ADSS2: variants seen among roughly 807,000 people sequenced by gnomAD.
ADSS2 encodes adenylosuccinate synthetase isozyme 2.
Under a neutral mutation model 60.0 loss-of-function variants are expected in ADSS2, and 30 were observed. That is an observed-to-expected ratio of 0.50 (90% CI 0.37 to 0.68). The LOEUF (loss-of-function observed/expected upper bound fraction) is 0.68, where lower values mean the gene tolerates loss of function less well. Ranked by LOEUF, ADSS2 falls within the 30% of genes least tolerant of loss-of-function variation. The pLI is 0.00. For synonymous variants in ADSS2, 187 were observed against 193.1 expected, an observed-to-expected ratio of 0.97 and a Z score of 0.26; for missense variants, 373 against 554.8, an observed-to-expected ratio of 0.67 and a Z score of 3.29.
At chr1:244,445,915 T>C (rs1417038635) in intron 1 of ADSS2, among the ~76,000 whole-genome samples, 1 of 152,214 alleles carries the variant, frequency 6.6e-6, no homozygotes, top group Non-Finnish European at 1.5e-5. Flanking sequence ...GAGGCATTTT[T>C]CAGGCTAGTT....
intron 7 of ADSS2, among the ~76,000 whole-genome samples, chr1:244,421,783 A>G (rs990087928): frequency 6.6e-6 from 1 of 152,136 alleles, no homozygotes; most frequent in Admixed American, 6.5e-5. Context: ...GTTCAAGACC[A>G]GCCTGGGCAA....
intron 4 of ADSS2, among the ~76,000 whole-genome samples, chr1:244,427,156 AG>A (rs1363769079): frequency 6.6e-6 from 1 of 152,178 alleles, no homozygotes; most frequent in Non-Finnish European, 1.5e-5. Flanking sequence ...ACAGGGCAAA[AG>A]GTTAATGCAA....
At chr1:244,427,286 A>C (rs1245033936) in intron 4 of ADSS2, among the ~76,000 whole-genome samples, 1 of 152,184 alleles carries the variant, frequency 6.6e-6, no homozygotes, top group East Asian at 1.9e-4. Context: ...AGGTAACTCA[A>C]GTAACGTAAA....
intron 6 of ADSS2, 47 bp downstream of exon 6, chr1:244,423,906 T>G (rs1223485914): frequency 2.0e-6 from 3 of 1,500,450 alleles, no homozygotes; most frequent in Non-Finnish European, 1.8e-6. Context: ...TTAAAAAAAA[T>G]CAAAAAATGC....
chr1:244,432,605 G>A lies in ADSS2; in HGVS notation c.356-10C>T, dbSNP rs555899875. 8.6e-6 allele frequency: 13 copies of A among 1,520,404 alleles called. No individual in the cohort carries two copies. In the South Asian group the frequency reaches 1.2e-4, roughly 14 times the overall value. The allele number at this position is 1,520,404 out of a possible 1,614,324, so 94.2% of individuals were successfully genotyped here. Reference sequence around the variant, plus strand: ...TCCCAGCCTTCTAGTCCTAGAAAGGGGAAAAAGATATATTTAATTGAATAT... The same window carrying A: ...TCCCAGCCTTCTAGTCCTAGAAAGGAGAAAAAGATATATTTAATTGAATAT... On this transcript the variant is annotated splice_polypyrimidine_tract_variant and intron_variant, in intron 3 of 12. Transcript: ENST00000366535.
chr1:244,451,880 C>A lies in ADSS2; in HGVS notation c.-63G>T, dbSNP rs1420102378. The A allele has an allele frequency of 6.9e-7, 1 of 1,440,580 alleles. No individual in the cohort carries two copies. Among genetic ancestry groups the A allele is most frequent in the Non-Finnish European group, 9.2e-7 (1 of 1,092,560 alleles). 89.2% of individuals were successfully genotyped at this position (1,440,580 alleles called of 1,614,324 possible). On this transcript the variant is annotated 5_prime_UTR_variant, in exon 1 of 13. Transcript: ENST00000366535. This position sits in a 1 kb window ranked among gnomAD's most constrained non-coding sequence, Gnocchi z 6.6. ...GCCGGCGAGGAGTGAGCGAACTGAA[C>A]TGCTCTGCGGCCGCCAGCCACATGC... is the stretch of plus-strand genomic sequence containing the variant.
At chr1:244,412,130 T>G (rs757907931) in intron 11 of ADSS2, among the ~76,000 whole-genome samples, 15 of 152,190 alleles carry the variant, frequency 9.9e-5, no homozygotes, top group Non-Finnish European at 1.9e-4. Flanking sequence ...AATGTAGGAA[T>G]AGAAACAACC....
At position 244,409,738 on chromosome 1, in the gene ADSS2, A is replaced by G. The variant is rs953583627; in HGVS notation, c.1319-100T>C. ...GTCCCCTACTTTTCTCAGTATCACC[A>G]TAACTTTTCCCTATGTGCCTTTTTG... On this transcript the variant is annotated intron_variant, in intron 12 of 12. Transcript: ENST00000366535. The G allele has an allele frequency of 7.4e-5, 68 of 913,948 alleles. No homozygotes were observed. In the Middle Eastern group the frequency reaches 8.8e-4, roughly 12 times the overall value. 56.6% of individuals were successfully genotyped at this position (913,948 alleles called of 1,614,324 possible).
At chr1:244,416,772 C>T (rs1234623978) in intron 10 of ADSS2, among the ~76,000 whole-genome samples, 1 of 152,134 alleles carries the variant, frequency 6.6e-6, no homozygotes, top group African/African-American at 2.4e-5. Context: ...GCCAGCATCC[C>T]TCAATTCTTC....
rs1665565520 is a variant in ADSS2 at position 244,451,110 on chromosome 1, AC to A, written c.183+524del. ...CAGAGGAAGCAAAGCACTGCATGCC[AC>A]GGTCCTGCAGATGGGGGATCGGTGA... On this transcript the variant is annotated intron_variant, in intron 1 of 12. Transcript: ENST00000366535. This position sits in a 1 kb window ranked among gnomAD's most constrained non-coding sequence, Gnocchi z 6.6. Among the ~76,000 whole-genome samples the A allele has an allele frequency of 1.3e-5, 2 of 152,190 alleles. No homozygotes were observed. The highest frequency in any genetic ancestry group is 4.1e-4 in the South Asian group (2 of 4,832).
chr1:244,424,281 ATGC>A (rs767047121), intron 5 of ADSS2, 37 bp downstream of exon 5: 220 of 1,574,786 alleles, frequency 1.4e-4, no homozygotes, highest in Non-Finnish European at 1.8e-4. Context: ...AGGTCTGCAT[ATGC>A]TTAAACTGTA....
In ADSS2 at chr1:244,438,866, T is replaced by C. The variant is rs191378275; in HGVS notation, c.184-1098A>G. On this transcript the variant is annotated intron_variant, in intron 1 of 12. Transcript: ENST00000366535. Reference sequence around the variant, plus strand: ...ATTATATCCAGGTAAATATGGTATCTATCACCTCAAGCATTTATCCTTTCA... The same window carrying C: ...ATTATATCCAGGTAAATATGGTATCCATCACCTCAAGCATTTATCCTTTCA... 3.3e-3 allele frequency among the ~76,000 whole-genome samples: 509 copies of C among 152,320 alleles called. 4 individuals carry two copies. Among genetic ancestry groups the C allele is most frequent in the African/African-American group, 0.012 (482 of 41,558 alleles).
intron 1 of ADSS2, among the ~76,000 whole-genome samples, chr1:244,449,268 G>C (rs1665473707): frequency 6.6e-6 from 1 of 152,212 alleles, no homozygotes; most frequent in Non-Finnish European, 1.5e-5. Context: ...TATGTTGGGA[G>C]AAAGTCCTTA....
chr1:244,435,370 C>T (rs981507726), intron 3 of ADSS2, among the ~76,000 whole-genome samples: 6 of 151,740 alleles, frequency 4.0e-5, no homozygotes, highest in Non-Finnish European at 8.8e-5. Context: ...GGAATATCTG[C>T]ATATAAATAA....
At chr1:244,448,316 G>C (rs1665445251) in intron 1 of ADSS2, among the ~76,000 whole-genome samples, 1 of 152,098 alleles carries the variant, frequency 6.6e-6, no homozygotes, top group South Asian at 2.1e-4. Context: ...CACTAATAGT[G>C]GTTTCAGATC....
At position 244,428,311 on chromosome 1, in the gene ADSS2, A is replaced by G. The variant is rs182006693; in HGVS notation, c.407-3924T>C. ...TAAATAATAGAGAGAAATCATGAAAATCTTCCAATATTTGGAAACATGAAC... is the reference window on the plus strand; with the variant it reads ...TAAATAATAGAGAGAAATCATGAAAGTCTTCCAATATTTGGAAACATGAAC... On this transcript the variant is annotated intron_variant, in intron 4 of 12. Coordinates refer to ENST00000366535, the MANE Select transcript of ADSS2 (RefSeq NM_001126.5). Among the ~76,000 whole-genome samples the G allele has an allele frequency of 1.3e-4, 20 of 152,314 alleles. No individual in the cohort carries two copies. In the East Asian group the frequency reaches 3.9e-3, roughly 29 times the overall value.
At chr1:244,433,377 ATCTTTCCAAATG>A (rs1664997995) in intron 3 of ADSS2, among the ~76,000 whole-genome samples, 1 of 152,210 alleles carries the variant, frequency 6.6e-6, no homozygotes, top group South Asian at 2.1e-4. Context: ...CTCACATGCT[ATCTTTCCAAATG>A]TCTTGCTCTA....
At position 244,409,315 on chromosome 1, in the gene ADSS2, C is replaced by T. The variant is rs1279149333; in HGVS notation, c.*271G>A. ...TTGATATCAAACAACATGGATTATA[C>T]TATTACTAAACATTGAAAAAAAAAA... On this transcript the variant is annotated 3_prime_UTR_variant, in exon 13 of 13. Coordinates refer to ENST00000366535, the MANE Select transcript of ADSS2 (RefSeq NM_001126.5). 3.1e-6 allele frequency: 1 copy of T among 319,026 alleles called. No homozygotes were observed. Among genetic ancestry groups the T allele is most frequent in the African/African-American group, 2.4e-5 (1 of 41,480 alleles). 19.8% of individuals were successfully genotyped at this position (319,026 alleles called of 1,614,324 possible). A position where few individuals can be genotyped will look rare whatever the true frequency, so the allele number is the denominator to read the frequency against.
At chr1:244,411,732 C>A (rs1426069973) in intron 11 of ADSS2, among the ~76,000 whole-genome samples, 1 of 152,152 alleles carries the variant, frequency 6.6e-6, no homozygotes, top group Non-Finnish European at 1.5e-5. Context: ...AATCTGGGTG[C>A]CAAACTTAAA....
Sources: allele counts gnomAD v4.1 joint callset (sites outside exome capture counted in the v4.1 genomes callset), GRCh38; gene constraint gnomAD v4.1.1; non-coding constraint Gnocchi (gnomAD v3.1); transcripts MANE v1.5; gene names NCBI Gene and HGNC (gene_info 2026-07-23, HGNC 2026-07-21).